WDFY3: variants seen among roughly 807,000 people sequenced by gnomAD.
The protein encoded by WDFY3 is WD repeat and FYVE domain containing 3.
WDFY3 carries 66 observed loss-of-function variants against 409.6 expected under a neutral mutation model. The ratio of observed to expected loss-of-function variants is 0.16; its 90% confidence interval spans 0.13 to 0.20. WDFY3 has a LOEUF of 0.20. WDFY3 is among the 10% of genes least tolerant of loss of function. WDFY3 has a pLI of 1.00. For missense variants in WDFY3, 3,031 were observed against 4,298.1 expected (o/e 0.71, Z 8.24); for synonymous variants, 1,521 against 1,537.1 (o/e 0.99, Z 0.25).
chr4:84,815,478 T>C (rs1753157568), intron 13 of WDFY3, among the ~76,000 whole-genome samples: 1 of 152,126 alleles, frequency 6.6e-6, no homozygotes, highest in Non-Finnish European at 1.5e-5. Context: ...CCCAATAATA[T>C]CCTCCATAGC....
At chr4:84,814,624 G>A (rs1398027135) in intron 13 of WDFY3, among the ~76,000 whole-genome samples, 5 of 151,994 alleles carry the variant, frequency 3.3e-5, no homozygotes, top group African/African-American at 9.7e-5. Context: ...GCAGAGTCTC[G>A]GTTATCAGAG....
chr4:84,764,336 T>C lies in WDFY3; in HGVS notation c.5188+1474A>G, dbSNP rs552059683. Among the ~76,000 whole-genome samples, 9 of 152,312 alleles carry C rather than the reference T, an allele frequency of 5.9e-5. No individual in the cohort carries two copies. The East Asian group carries it at 1.7e-3, about 29-fold the overall frequency. Reference sequence around the variant, plus strand: ...ACTACCAAAATGTTCAAAATAATCATATCTGTAGATTAAATCCTTCCCCAG... The same window carrying C: ...ACTACCAAAATGTTCAAAATAATCACATCTGTAGATTAAATCCTTCCCCAG... On this transcript the variant is annotated intron_variant, in intron 32 of 67. Coordinates refer to ENST00000295888, the MANE Select transcript of WDFY3 (RefSeq NM_014991.6).
chr4:84,686,637 AGGATG>A, intron 62 of WDFY3, among the ~76,000 whole-genome samples: 2 of 152,286 alleles, frequency 1.3e-5, no homozygotes, highest in African/African-American at 4.8e-5. Flanking sequence ...TGTGTCATGA[AGGATG>A]GCCCTGTGGT....
chr4:84,840,152 C>G (rs1237553584), intron 6 of WDFY3, among the ~76,000 whole-genome samples: 1 of 152,132 alleles, frequency 6.6e-6, no homozygotes, highest in Non-Finnish European at 1.5e-5. Flanking sequence ...TAATTATACT[C>G]TGGATTTTAG....
rs1414701864 is a variant in WDFY3, at chr4:84,670,845, A to G, written c.*2023T>C. 1 of 152,436 alleles carries G rather than the reference A, an allele frequency of 6.6e-6. No individual in the cohort carries two copies. Among genetic ancestry groups the G allele is most frequent in the East Asian group, 1.9e-4 (1 of 5,192 alleles). The allele number at this position is 152,436 out of a possible 1,614,324, so 9.4% of individuals were successfully genotyped here. A position where few individuals can be genotyped will look rare whatever the true frequency, so the allele number is the denominator to read the frequency against. ...TCTGCAACTGTTGAACATCAGCATT[A>G]TTTATTAGAATTGAAGATGGTGATG... On this transcript the variant is annotated 3_prime_UTR_variant, in exon 68 of 68. Coordinates refer to ENST00000295888, the MANE Select transcript of WDFY3 (RefSeq NM_014991.6).
At chr4:84,805,708 G>T (rs2149688626) in intron 15 of WDFY3, among the ~76,000 whole-genome samples, 1 of 152,226 alleles carries the variant, frequency 6.6e-6, no homozygotes, top group East Asian at 1.9e-4. Flanking sequence ...TTCTGAATCT[G>T]CTTTGCTTAA....
chr4:84,870,048 T>C (rs1487265289), intron 3 of WDFY3, among the ~76,000 whole-genome samples: 1 of 152,200 alleles, frequency 6.6e-6, no homozygotes, highest in African/African-American at 2.4e-5. Context: ...TGTCATACAA[T>C]GTGAATTACC....
Position 84,766,381 on chromosome 4 carries a change from A to G in WDFY3, c.4850-9T>C. 6.3e-7 allele frequency: 1 copy of G among 1,578,636 alleles called. No individual in the cohort carries two copies. Among genetic ancestry groups the G allele is most frequent in the Non-Finnish European group, 8.5e-7 (1 of 1,169,720 alleles). Reference sequence around the variant, plus strand: ...AAACTCCTCTTCAGTTCCTAAAATAAAAATAAATACATTAAATCTCCCTAG... The same window carrying G: ...AAACTCCTCTTCAGTTCCTAAAATAGAAATAAATACATTAAATCTCCCTAG... On this transcript the variant is annotated splice_polypyrimidine_tract_variant and intron_variant, in intron 30 of 67. Transcript: ENST00000295888.
Position 84,831,545 on chromosome 4 carries a change from G to A in WDFY3, c.637C>T (p.Leu213Phe). The part of the protein sequence containing the change: ...PAEELAQKDD[L>F]QLLFSAITSW... The stretch of plus-strand genomic sequence containing the variant: ...GTTATTGCACTGAATAGAAGCTGGA[G>A]ATCATCTTTCTGAGCCAGCTCCTCC... The change falls in exon 8 of 68, where the codon CTC becomes TTC. Residue 213 changes from leucine to phenylalanine, a missense_variant. Coordinates refer to ENST00000295888, the MANE Select transcript of WDFY3 (RefSeq NM_014991.6). 1 of 1,614,080 alleles carries A rather than the reference G, an allele frequency of 6.2e-7. No homozygotes were observed. The highest frequency in any genetic ancestry group is 8.5e-7 in the Non-Finnish European group (1 of 1,179,990).
intron 5 of WDFY3, chr4:84,844,587 TCAA>T (rs1245002484): frequency 8.5e-7 from 1 of 1,174,588 alleles, no homozygotes; most frequent in African/African-American, 1.6e-5. Context: ...AGTACTGGGG[TCAA>T]CATCATCCAG....
chr4:84,743,883 T>A, intron 36 of WDFY3, 84 bp from the exon 37 acceptor site: 1 of 795,430 alleles, frequency 1.3e-6, no homozygotes, highest in Non-Finnish European at 1.8e-6. Flanking sequence ...CCTAATATAT[T>A]AAAAAGATTA....
At chr4:84,742,905 C>T (rs1317357804) in intron 37 of WDFY3, among the ~76,000 whole-genome samples, 1 of 152,186 alleles carries the variant, frequency 6.6e-6, no homozygotes, top group Non-Finnish European at 1.5e-5. Context: ...TTATTATTCT[C>T]ACCTAATGCT....
intron 1 of WDFY3, among the ~76,000 whole-genome samples, chr4:84,953,032 T>TA (rs1157305663): frequency 6.6e-6 from 1 of 152,064 alleles, no homozygotes; most frequent in Non-Finnish European, 1.5e-5. Flanking sequence ...ACAACCTTGG[T>TA]ATCCCTCAAC....
At chr4:84,779,269 A>C (rs575770533) in intron 26 of WDFY3, among the ~76,000 whole-genome samples, 1 of 152,244 alleles carries the variant, frequency 6.6e-6, no homozygotes, top group Non-Finnish European at 1.5e-5. Context: ...ACAACACAGT[A>C]AACAGTATAT....
chr4:84,880,795 G>A (rs1763433072), intron 3 of WDFY3, among the ~76,000 whole-genome samples: 1 of 142,862 alleles, frequency 7.0e-6, no homozygotes, highest in Non-Finnish European at 1.5e-5. Flanking sequence ...TCGGCTCACT[G>A]CAACCTCTGC....
intron 1 of WDFY3, among the ~76,000 whole-genome samples, chr4:84,962,541 G>A (rs1209401287): frequency 6.6e-6 from 1 of 152,036 alleles, no homozygotes; most frequent in African/African-American, 2.4e-5. Context: ...TTAGAGTAAC[G>A]GAAACGTCCT....
chr4:84,709,217 T>G, intron 52 of WDFY3, 76 bp downstream of exon 52: 1 of 1,459,562 alleles, frequency 6.9e-7, no homozygotes, highest in Non-Finnish European at 9.4e-7. Context: ...TTATGGATAA[T>G]TAAAGTGCTT....
At position 84,774,913 on chromosome 4, in the gene WDFY3, C is replaced by T. The variant is rs539337325; in HGVS notation, c.4661G>A (p.Arg1554Gln). 3.7e-6 allele frequency: 6 copies of T among 1,613,874 alleles called. No individual in the cohort carries two copies. The highest frequency in any genetic ancestry group is 1.7e-5 in the Admixed American group (1 of 60,004). ...AGTAGGCTGGGATAAAGACATATCT[C>T]GAAGAGTCAGGAGCAGCTTTGGGAT... ...QLIPKLLLTL[R>Q]DMSLSQPTIA... Residue 1554 changes from arginine to glutamine, a missense_variant, in exon 29 of 68, where the codon CGA becomes CAA. Around this residue, in one of 16 missense-constraint regions of WDFY3, gnomAD observed 342 missense variants for 463.7 expected, o/e 0.74. Transcript: ENST00000295888.
At chr4:84,913,481 T>C (rs924165983) in intron 2 of WDFY3, among the ~76,000 whole-genome samples, 3 of 152,120 alleles carry the variant, frequency 2.0e-5, no homozygotes, top group African/African-American at 7.2e-5. Flanking sequence ...ATATGGATCT[T>C]GGAGAAACTC....
Sources: gnomAD v4.1 joint callset for allele counts (sites outside exome capture counted in the v4.1 genomes callset) on GRCh38, gnomAD v4.1.1 for gene constraint, gnomAD v4.1.1 regional missense constraint, MANE v1.5 for transcripts, NCBI Gene and HGNC (gene_info 2026-07-23, HGNC 2026-07-21) for gene names.